ACKR3: variants seen among roughly 807,000 people sequenced by gnomAD.
The protein encoded by ACKR3 is C-X-C chemokine receptor type 7.
ACKR3 carries 6 observed loss-of-function variants against 22.4 expected under a neutral mutation model. That is an observed-to-expected ratio of 0.27 (90% CI 0.15 to 0.53). ACKR3 has a LOEUF of 0.53. ACKR3 is among the 20% of genes least tolerant of loss of function. The pLI is 0.96. For synonymous variants in ACKR3, 209 were observed against 205.2 expected (o/e 1.02, Z -0.16); for missense variants, 396 against 475.2 (o/e 0.83, Z 1.55).
the ACKR3 span, among the ~76,000 whole-genome samples, chr2:236,555,776 T>C: frequency 2.7e-5 from 4 of 149,958 alleles, no homozygotes; most frequent in Non-Finnish European, 5.9e-5. Flanking sequence ...TTCTGGAAAT[T>C]ACCAACAAAT....
At chr2:236,573,672 A>G (rs761513323) in intron 1 of ACKR3, among the ~76,000 whole-genome samples, 4 of 152,096 alleles carry the variant, frequency 2.6e-5, no homozygotes, top group Admixed American at 6.5e-5. Flanking sequence ...TCTTATCTAT[A>G]CCACTGTAGA....
the ACKR3 span, among the ~76,000 whole-genome samples, chr2:236,546,671 G>A: frequency 6.6e-6 from 1 of 152,208 alleles, no homozygotes; most frequent in African/African-American, 2.4e-5. The surrounding 1 kb of genome is among the most constrained non-coding windows in gnomAD (Gnocchi z 4.9). Flanking sequence ...AGTGCGCAGA[G>A]CACCAGAGGC....
the ACKR3 span, among the ~76,000 whole-genome samples, chr2:236,544,731 G>T: frequency 6.6e-6 from 1 of 152,228 alleles, no homozygotes; most frequent in Non-Finnish European, 1.5e-5. The surrounding 1 kb of genome is among the most constrained non-coding windows in gnomAD (Gnocchi z 5.0). Flanking sequence ...AAAAGGAAAA[G>T]TGGGGTCAGG....
the ACKR3 span, among the ~76,000 whole-genome samples, chr2:236,554,019 A>G: frequency 1.3e-5 from 2 of 152,172 alleles, no homozygotes; most frequent in East Asian, 3.9e-4. Flanking sequence ...TCATGAGGAC[A>G]CAGTACACCA....
chr2:236,544,848 T>C, the ACKR3 span, among the ~76,000 whole-genome samples: 1 of 152,138 alleles, frequency 6.6e-6, no homozygotes. The surrounding 1 kb of genome is among the most constrained non-coding windows in gnomAD (Gnocchi z 5.0). Context: ...GTGCAGGCAA[T>C]TGTTTTAGAA....
At chr2:236,565,137 A>C (rs1450666434), upstream of ACKR3, among the ~76,000 whole-genome samples, 1 of 151,992 alleles carries the variant, frequency 6.6e-6, no homozygotes, top group Non-Finnish European at 1.5e-5. Context: ...AGCGGAAGAG[A>C]AATAGCCATT....
At chr2:236,551,359 C>T in the ACKR3 span, among the ~76,000 whole-genome samples, 2 of 152,206 alleles carry the variant, frequency 1.3e-5, no homozygotes, top group African/African-American at 4.8e-5. Context: ...GGTGGCTGCC[C>T]CCAAGTCCAG....
In ACKR3 at chr2:236,580,740, G is replaced by T. The variant is rs1300601505; in HGVS notation, c.275G>T (p.Trp92Leu). The change falls in exon 2 of 2, where the codon TGG becomes TTG. Residue 92 changes from tryptophan to leucine, a missense_variant. Trp to Leu is a moderately conservative substitution (Grantham distance 61). Coordinates refer to ENST00000272928, the MANE Select transcript of ACKR3 (RefSeq NM_020311.3). ...YILNLAIADL[W>L]VVLTIPVWVV... is the part of the protein sequence containing the mutation. ...TTGAACCTGGCCATTGCCGACCTGT[G>T]GGTTGTCCTCACCATCCCAGTCTGG... 2 of 1,614,102 alleles carry T rather than the reference G, an allele frequency of 1.2e-6. No homozygotes were observed.
intron 1 of ACKR3, among the ~76,000 whole-genome samples, chr2:236,575,986 C>T (rs1401730714): frequency 6.6e-6 from 1 of 152,122 alleles, no homozygotes; most frequent in African/African-American, 2.4e-5. Flanking sequence ...TTCTGCACCC[C>T]CTCCCCTTCC....
upstream of ACKR3, among the ~76,000 whole-genome samples, chr2:236,567,024 T>C (rs1343258848): frequency 2.6e-5 from 4 of 151,876 alleles, no homozygotes; most frequent in African/African-American, 9.7e-5. Context: ...CTTTTTCTTT[T>C]GACAGAGTCT....
upstream of ACKR3, among the ~76,000 whole-genome samples, chr2:236,566,931 TTGCC>T (rs144814142): frequency 0.032 from 4,641 of 142,934 alleles, 245 homozygotes; most frequent in African/African-American, 0.13. Flanking sequence ...CAAGGAGGAT[TTGCC>T]TGCCTGCCTG....
At chr2:236,569,432 C>T (rs971722113), upstream of ACKR3, among the ~76,000 whole-genome samples, 7 of 152,322 alleles carry the variant, frequency 4.6e-5, 1 homozygote, top group Middle Eastern at 3.4e-3. Flanking sequence ...ACAAAGTCCT[C>T]CCTAGAGCGA....
Position 236,580,603 on chromosome 2 carries a change from G to T in ACKR3, c.138G>T (p.Thr46=). The change falls in exon 2 of 2, where the codon ACG becomes ACT. Residue 46 remains threonine, a synonymous_variant. Transcript: ENST00000272928. ...NMPNKSVLLY[T]LSFIYIFIFV... The stretch of plus-strand genomic sequence containing the variant: ...CCAACAAAAGCGTCCTGCTCTACAC[G>T]CTCTCCTTCATTTACATTTTCATCT... 2.5e-6 allele frequency: 4 copies of T among 1,613,766 alleles called. No individual in the cohort carries two copies. The highest frequency in any genetic ancestry group is 1.1e-5 in the South Asian group (1 of 91,030).
chr2:236,566,715 C>CT (rs1208603478), upstream of ACKR3, among the ~76,000 whole-genome samples: 4 of 139,136 alleles, frequency 2.9e-5, no homozygotes, highest in African/African-American at 8.1e-5. Flanking sequence ...CCTTCCTTTC[C>CT]TTCCCTTCCT....
chr2:236,544,209 C>T, the ACKR3 span, among the ~76,000 whole-genome samples: 2 of 151,592 alleles, frequency 1.3e-5, no homozygotes, highest in Non-Finnish European at 2.9e-5. The surrounding 1 kb of genome is among the most constrained non-coding windows in gnomAD (Gnocchi z 5.0). Context: ...AGGCTGGTCT[C>T]GAACTCTTGA....
chr2:236,541,755 T>C, the ACKR3 span, among the ~76,000 whole-genome samples: 3 of 152,192 alleles, frequency 2.0e-5, no homozygotes, highest in Admixed American at 2.0e-4. Context: ...ATAATTGAAT[T>C]ATGGTGGTAG....
chr2:236,563,293 G>T (rs1691108176), upstream of ACKR3, among the ~76,000 whole-genome samples: 1 of 152,166 alleles, frequency 6.6e-6, no homozygotes, highest in South Asian at 2.1e-4. Context: ...ATATTTATGG[G>T]CATCCGGCAC....
At chr2:236,571,792 A>C (rs927663830) in intron 1 of ACKR3, among the ~76,000 whole-genome samples, 1 of 152,174 alleles carries the variant, frequency 6.6e-6, no homozygotes, top group Admixed American at 6.5e-5. Flanking sequence ...ATAAACCTTA[A>C]GAGTAACCGA....
At chr2:236,548,321 G>T in the ACKR3 span, among the ~76,000 whole-genome samples, 2 of 152,156 alleles carry the variant, frequency 1.3e-5, no homozygotes, top group African/African-American at 2.4e-5. This position sits in a 1 kb window ranked among gnomAD's most constrained non-coding sequence, Gnocchi z 4.3. Flanking sequence ...ATGTGTGTTT[G>T]TTTCAATCTG....
Sources: gnomAD v4.1 joint callset for allele counts (sites outside exome capture counted in the v4.1 genomes callset) on GRCh38, gnomAD v4.1.1 for gene constraint, Gnocchi (gnomAD v3.1) non-coding constraint, MANE v1.5 for transcripts, NCBI Gene and HGNC (gene_info 2026-07-23, HGNC 2026-07-21) for gene names.